The following SCHIP1 variants were observed in gnomAD, a reference collection of about 807,000 sequenced individuals.
SCHIP1 encodes the protein schwannomin-interacting protein 1.
A neutral mutation model predicts 29.7 loss-of-function variants in SCHIP1; 8 were observed. That is an observed-to-expected ratio of 0.27 (90% CI 0.16 to 0.49). SCHIP1 has a LOEUF of 0.49. Among genes scored for constraint, SCHIP1 ranks in the 20% least tolerant of loss-of-function variants. The pLI, the probability that SCHIP1 is intolerant of heterozygous loss-of-function variation, is 0.99. For missense variants in SCHIP1, 193 were observed against 294.6 expected (o/e 0.66, Z 2.52); for synonymous variants, 76 against 94.9 (o/e 0.80, Z 1.16).
At chr3:159,738,814 G>A in the SCHIP1 span, among the ~76,000 whole-genome samples, 7 of 152,206 alleles carry the variant, frequency 4.6e-5, no homozygotes, top group Non-Finnish European at 1.0e-4. Flanking sequence ...ACAAGTGTGC[G>A]TGTGTTTTGC....
the SCHIP1 span, among the ~76,000 whole-genome samples, chr3:159,824,489 A>G: frequency 1.3e-5 from 2 of 152,226 alleles, no homozygotes; most frequent in East Asian, 1.9e-4. Context: ...CTCCCTACAC[A>G]GATATAGCCA....
At chr3:159,705,775 C>T in the SCHIP1 span, among the ~76,000 whole-genome samples, 3 of 152,082 alleles carry the variant, frequency 2.0e-5, no homozygotes, top group Non-Finnish European at 2.9e-5. Flanking sequence ...GGCGCGATCT[C>T]GGCTCACTGC....
chr3:159,309,290 C>T, the SCHIP1 span: 1 of 169,862 alleles, frequency 5.9e-6, no homozygotes, highest in East Asian at 1.9e-4. Flanking sequence ...TAAGGTTAGT[C>T]ACGTTTAAAA....
chr3:159,287,385 G>C, the SCHIP1 span, among the ~76,000 whole-genome samples: 6 of 151,764 alleles, frequency 4.0e-5, no homozygotes, highest in Non-Finnish European at 7.4e-5. Flanking sequence ...TGGGGCACTT[G>C]TGCATGAATT....
the SCHIP1 span, among the ~76,000 whole-genome samples, chr3:159,783,718 C>T: frequency 6.6e-6 from 1 of 152,152 alleles, no homozygotes; most frequent in Admixed American, 6.5e-5. Context: ...TAGTGTTAAA[C>T]TTCTAAGGCT....
chr3:159,550,683 A>G, the SCHIP1 span, among the ~76,000 whole-genome samples: 3 of 152,072 alleles, frequency 2.0e-5, no homozygotes, highest in Non-Finnish European at 4.4e-5. Flanking sequence ...TTTTTATCTC[A>G]TAATTGATTG....
chr3:159,447,930 G>A, the SCHIP1 span, among the ~76,000 whole-genome samples: 2 of 152,138 alleles, frequency 1.3e-5, no homozygotes, highest in African/African-American at 4.8e-5. Flanking sequence ...CGTCCCTTAA[G>A]GGATGCAGAG....
At chr3:159,705,821 C>T in the SCHIP1 span, among the ~76,000 whole-genome samples, 2 of 152,142 alleles carry the variant, frequency 1.3e-5, no homozygotes, top group African/African-American at 4.8e-5. Flanking sequence ...ATTCTCCTGC[C>T]TCAGCCTCCC....
At chr3:159,470,833 T>C in the SCHIP1 span, among the ~76,000 whole-genome samples, 6 of 152,048 alleles carry the variant, frequency 3.9e-5, no homozygotes, top group Admixed American at 3.9e-4. Flanking sequence ...ATATATATAA[T>C]GACATGGATG....
the SCHIP1 span, among the ~76,000 whole-genome samples, chr3:159,475,952 A>C: frequency 1.3e-5 from 2 of 152,148 alleles, 1 homozygote; most frequent in South Asian, 4.1e-4. Flanking sequence ...AAGGACCCAC[A>C]TTTCTGTGTC....
At chr3:159,477,466 T>TG in the SCHIP1 span, among the ~76,000 whole-genome samples, 4 of 152,188 alleles carry the variant, frequency 2.6e-5, no homozygotes, top group Non-Finnish European at 4.4e-5. Context: ...ATCTTTTTGA[T>TG]AAAAGCTATT....
the SCHIP1 span, among the ~76,000 whole-genome samples, chr3:159,734,803 T>G: frequency 6.7e-6 from 1 of 149,134 alleles, no homozygotes; most frequent in Non-Finnish European, 1.5e-5. Flanking sequence ...TTTTTTTTTT[T>G]TTTTTTCTAT....
the SCHIP1 span, among the ~76,000 whole-genome samples, chr3:159,471,075 T>C: frequency 6.6e-6 from 1 of 152,030 alleles, no homozygotes; most frequent in Non-Finnish European, 1.5e-5. Flanking sequence ...TCCTAATTTA[T>C]AGAAGGGTAA....
At chr3:159,627,836 T>C in the SCHIP1 span, among the ~76,000 whole-genome samples, 13 of 152,340 alleles carry the variant, frequency 8.5e-5, no homozygotes, top group South Asian at 1.7e-3. Context: ...TGCTTTGCAA[T>C]GCTTGTAAAA....
the SCHIP1 span, among the ~76,000 whole-genome samples, chr3:159,655,116 A>C: frequency 6.6e-6 from 1 of 152,216 alleles, no homozygotes; most frequent in African/African-American, 2.4e-5. Context: ...TATGACCTTA[A>C]CTAAGTCACT....
the SCHIP1 span, among the ~76,000 whole-genome samples, chr3:159,365,314 C>G: frequency 6.6e-6 from 1 of 152,060 alleles, no homozygotes; most frequent in Non-Finnish European, 1.5e-5. Context: ...CATGATATTG[C>G]TTCGTTATGG....
At chr3:159,806,354 T>C in the SCHIP1 span, among the ~76,000 whole-genome samples, 1 of 152,210 alleles carries the variant, frequency 6.6e-6, no homozygotes, top group Non-Finnish European at 1.5e-5. Context: ...TTGGTCTGTA[T>C]GTGGCAGGTA....
chr3:159,710,844 G>A, the SCHIP1 span, among the ~76,000 whole-genome samples: 1 of 152,142 alleles, frequency 6.6e-6, no homozygotes, highest in Non-Finnish European at 1.5e-5. Flanking sequence ...CCAGTCAGGA[G>A]TAGGGCTAGT....
chr3:159,315,944 A>C, the SCHIP1 span, among the ~76,000 whole-genome samples: 2 of 151,970 alleles, frequency 1.3e-5, no homozygotes, highest in South Asian at 2.1e-4. Context: ...TAGGGGGCTT[A>C]TCTGTAAAGT....
Sources: allele counts gnomAD v4.1 joint callset (sites outside exome capture counted in the v4.1 genomes callset), GRCh38; gene constraint gnomAD v4.1.1; transcripts MANE v1.5; gene names NCBI Gene and HGNC (gene_info 2026-07-23, HGNC 2026-07-21).